The following VCAN variants were observed in gnomAD, a reference collection of about 807,000 sequenced individuals.
The protein encoded by VCAN is versican.
A neutral mutation model predicts 245.5 loss-of-function variants in VCAN; 44 were observed. That is an observed-to-expected ratio of 0.18 (90% CI 0.14 to 0.23). The LOEUF (loss-of-function observed/expected upper bound fraction) is 0.23, where lower values mean the gene tolerates loss of function less well. Ranked by LOEUF, VCAN falls within the 10% of genes least tolerant of loss-of-function variation. The pLI, the probability that VCAN is intolerant of heterozygous loss-of-function variation, is 1.00. For missense variants in VCAN, 3,793 were observed against 4,057.9 expected, an observed-to-expected ratio of 0.93 and a Z score of 1.77; for synonymous variants, 1,413 against 1,437.0, an observed-to-expected ratio of 0.98 and a Z score of 0.38.
chr5:83,530,523 G>T (rs1461293065), intron 7 of VCAN, among the ~76,000 whole-genome samples: 1 of 152,058 alleles, frequency 6.6e-6, no homozygotes. Flanking sequence ...GGAGCAATAG[G>T]AATAAAAGAA....
intron 10 of VCAN, among the ~76,000 whole-genome samples, chr5:83,552,869 CAA>C (rs143906711): frequency 0.031 from 4,673 of 152,244 alleles, 73 homozygotes; most frequent in Middle Eastern, 0.071. Flanking sequence ...TTTTACATGA[CAA>C]GAGCCTGTGA....
At chr5:83,478,661 C>T (rs1419451240) in intron 1 of VCAN, among the ~76,000 whole-genome samples, 2 of 152,090 alleles carry the variant, frequency 1.3e-5, no homozygotes, top group Admixed American at 6.5e-5. Context: ...GGAACATTCT[C>T]CAAAATATAT....
At position 83,520,884 on chromosome 5, in the gene VCAN, A is replaced by G. The variant is rs1360261923; in HGVS notation, c.2578A>G (p.Ser860Gly). ...AGATGAATTTACTCTTATTCCAGATAGTACTCAAAAGCAGTTAGAGGAGGT... is the reference window on the plus strand; with the variant it reads ...AGATGAATTTACTCTTATTCCAGATGGTACTCAAAAGCAGTTAGAGGAGGT... ...GADEFTLIPD[S>G]TQKQLEEVTD... is the part of the protein sequence containing the mutation. The change falls in exon 7 of 15, where the codon AGT becomes GGT. Residue 860 changes from serine (S) to glycine (G), a missense_variant. By Grantham distance (56) the Ser-to-Gly change is moderately conservative. Transcript: ENST00000265077. 1 of 1,614,070 alleles carries G rather than the reference A, an allele frequency of 6.2e-7. No homozygotes were observed. Among genetic ancestry groups the G allele is most frequent in the Non-Finnish European group, 8.5e-7 (1 of 1,180,014 alleles).
chr5:83,557,268 G>A (rs994932640), intron 12 of VCAN, among the ~76,000 whole-genome samples: 34 of 152,094 alleles, frequency 2.2e-4, no homozygotes, highest in African/African-American at 8.2e-4. Flanking sequence ...GATTTGATGT[G>A]TGTGTTTTTA....
At chr5:83,498,787 A>G (rs911976310) in intron 5 of VCAN, among the ~76,000 whole-genome samples, 2 of 152,190 alleles carry the variant, frequency 1.3e-5, no homozygotes, top group African/African-American at 4.8e-5. Flanking sequence ...GGTTGTCACA[A>G]ATAGTCCCCA....
intron 1 of VCAN, 54 bp from the exon 2 acceptor site, chr5:83,483,459 C>T: frequency 7.0e-7 from 1 of 1,434,936 alleles, no homozygotes; most frequent in Non-Finnish European, 9.8e-7. Context: ...TGATTTATGA[C>T]CCACTTTAAA....
chr5:83,482,327 C>G (rs984449977), intron 1 of VCAN, among the ~76,000 whole-genome samples: 1 of 152,210 alleles, frequency 6.6e-6, no homozygotes, highest in Non-Finnish European at 1.5e-5. Flanking sequence ...GGACCCTTCA[C>G]TGGAGGAAGA....
chr5:83,525,052 T>TTG (rs966132754), intron 7 of VCAN, among the ~76,000 whole-genome samples: 1 of 151,720 alleles, frequency 6.6e-6, no homozygotes, highest in Non-Finnish European at 1.5e-5. Context: ...TCTTGTTTTT[T>TTG]TTTTTTTTTT....
chr5:83,524,815 T>G (rs1350938059), intron 7 of VCAN, among the ~76,000 whole-genome samples: 3 of 152,144 alleles, frequency 2.0e-5, no homozygotes, highest in Non-Finnish European at 2.9e-5. Flanking sequence ...TATACCTTAA[T>G]AAGGAAAAGT....
intron 5 of VCAN, among the ~76,000 whole-genome samples, chr5:83,498,660 C>G (rs1329822015): frequency 1.3e-5 from 2 of 152,168 alleles, no homozygotes; most frequent in Non-Finnish European, 2.9e-5. Context: ...AGAACAAATA[C>G]GTGAACAATG....
intron 1 of VCAN, among the ~76,000 whole-genome samples, chr5:83,475,668 A>C (rs375975067): frequency 6.6e-6 from 1 of 152,208 alleles, no homozygotes; most frequent in African/African-American, 2.4e-5. Context: ...TAAAGAAAGA[A>C]ATATGTTAGA....
intron 5 of VCAN, among the ~76,000 whole-genome samples, chr5:83,509,608 C>A (rs972425472): frequency 6.6e-6 from 1 of 152,166 alleles, no homozygotes; most frequent in African/African-American, 2.4e-5. Flanking sequence ...GTAGTTTCGC[C>A]TTAAGGTAGG....
intron 5 of VCAN, among the ~76,000 whole-genome samples, chr5:83,496,915 C>T (rs565264177): frequency 9.2e-5 from 14 of 152,258 alleles, no homozygotes; most frequent in African/African-American, 1.7e-4. Flanking sequence ...TCAATTGTCA[C>T]GTTGATAAAA....
chr5:83,538,252 T>A lies in VCAN; in HGVS notation c.5249T>A (p.Leu1750Ter). ...TCATCTACACAGAGATCGGATCAATTAATTTTACCCTTTGAATTAGAAAGT... is the reference window on the plus strand; with the variant it reads ...TCATCTACACAGAGATCGGATCAATAAATTTTACCCTTTGAATTAGAAAGT... Reference protein sequence around the residue: ...VYSSTQRSDQLILPFELESPN... With the variant: ...VYSSTQRSDQ The change falls in exon 8 of 15, where the codon TTA (leucine) becomes TAA (stop). Residue 1750 changes from leucine (L) to a stop codon, truncating the protein, a stop_gained. Coordinates refer to ENST00000265077, the MANE Select transcript of VCAN (RefSeq NM_004385.5). LOFTEE classifies it high-confidence loss of function. 1 of 1,613,988 alleles carries A rather than the reference T, an allele frequency of 6.2e-7. No individual in the cohort carries two copies. Among genetic ancestry groups the A allele is most frequent in the Non-Finnish European group, 8.5e-7 (1 of 1,179,956 alleles).
Position 83,512,410 on chromosome 5 carries a change from AC to A in VCAN, c.1042+16del. 1.9e-6 allele frequency: 3 copies of A among 1,610,896 alleles called. No individual in the cohort carries two copies. In the Middle Eastern group the frequency reaches 5.2e-4, roughly 281 times the overall value. The stretch of plus-strand genomic sequence containing the variant: ...ACTGCTTTAAACGTAAGTGTTTGAT[AC>A]CTTTTTAAAAATTACAGTTTTAAAA... On this transcript the variant is annotated intron_variant, in intron 6 of 14. Transcript: ENST00000265077.
At chr5:83,545,453 G>A in intron 8 of VCAN, 84 bp from the exon 9 acceptor site, 2 of 1,027,816 alleles carry the variant, frequency 1.9e-6, no homozygotes, top group East Asian at 4.7e-5. Flanking sequence ...TAATATGGTA[G>A]CAATATGGGG....
chr5:83,567,964 G>A (rs1748148295), intron 12 of VCAN, among the ~76,000 whole-genome samples: 1 of 152,132 alleles, frequency 6.6e-6, no homozygotes, highest in Non-Finnish European at 1.5e-5. Flanking sequence ...GAGGTACTGA[G>A]TTTTTCCCTG....
chr5:83,489,537 C>T (rs780901054), intron 2 of VCAN, among the ~76,000 whole-genome samples: 1 of 152,200 alleles, frequency 6.6e-6, no homozygotes, highest in Non-Finnish European at 1.5e-5. Flanking sequence ...TTGGTTCCAA[C>T]ACAGGACCAA....
In VCAN at chr5:83,582,064, C is replaced by G. The variant is rs1748694584; in HGVS notation, c.*1630C>G. Reference sequence around the variant, plus strand: ...TTTAAGCAGGTTCCCTTGGTTGTTGCATTAAATGTAATCCACCTTTAGGTA... The same window carrying G: ...TTTAAGCAGGTTCCCTTGGTTGTTGGATTAAATGTAATCCACCTTTAGGTA... On this transcript the variant is annotated 3_prime_UTR_variant, in exon 15 of 15. Coordinates refer to ENST00000265077, the MANE Select transcript of VCAN (RefSeq NM_004385.5). The G allele has an allele frequency of 6.6e-6, 1 of 151,806 alleles. No individual in the cohort carries two copies. The allele number at this position is 151,806 out of a possible 1,614,324, so 9.4% of individuals were successfully genotyped here.
Sources: allele counts gnomAD v4.1 joint callset (sites outside exome capture counted in the v4.1 genomes callset), GRCh38; gene constraint gnomAD v4.1.1; transcripts MANE v1.5; gene names NCBI Gene and HGNC (gene_info 2026-07-23, HGNC 2026-07-21).